LEPR: variants seen among roughly 807,000 people sequenced by gnomAD.
The protein encoded by LEPR is leptin receptor, also known as OB receptor.
Under a neutral mutation model 114.7 loss-of-function variants are expected in LEPR, and 56 were observed. The observed-to-expected ratio is 0.49, with a 90% CI of 0.39 to 0.61. LEPR has a LOEUF of 0.61. Among genes scored for constraint, LEPR ranks in the 20% least tolerant of loss-of-function variants. The pLI, the probability that LEPR is intolerant of heterozygous loss-of-function variation, is 0.00. For synonymous variants in LEPR, 443 were observed against 461.4 expected (o/e 0.96, Z 0.51); for missense variants, 1,202 against 1,352.9 (o/e 0.89, Z 1.75).
chr1:65,550,883 A>C (rs1042151136), intron 2 of LEPR, among the ~76,000 whole-genome samples: 1 of 151,974 alleles, frequency 6.6e-6, no homozygotes, highest in Non-Finnish European at 1.5e-5. Flanking sequence ...CTCAGATGGA[A>C]ATGCAGAAAT....
chr1:65,520,852 T>A (rs919105501), intron 2 of LEPR, among the ~76,000 whole-genome samples: 1 of 152,242 alleles, frequency 6.6e-6, no homozygotes, highest in African/African-American at 2.4e-5. Context: ...GCAGCATGAA[T>A]ATGTCCTTAA....
At chr1:65,491,739 A>G (rs1647883085) in intron 2 of LEPR, among the ~76,000 whole-genome samples, 1 of 152,116 alleles carries the variant, frequency 6.6e-6, no homozygotes, top group Non-Finnish European at 1.5e-5. Flanking sequence ...GCAGAGATGG[A>G]AACATTGTGA....
chr1:65,536,100 G>C (rs1205460031), intron 2 of LEPR, among the ~76,000 whole-genome samples: 1 of 152,196 alleles, frequency 6.6e-6, no homozygotes, highest in Non-Finnish European at 1.5e-5. Flanking sequence ...TTGATTCCCA[G>C]TGTTAGAGGT....
chr1:65,621,913 A>G (rs1431839876), intron 18 of LEPR, among the ~76,000 whole-genome samples: 2 of 151,210 alleles, frequency 1.3e-5, no homozygotes, highest in Non-Finnish European at 3.0e-5. Context: ...TTCCAGCTGG[A>G]TGGGGAGGGT....
intron 5 of LEPR, among the ~76,000 whole-genome samples, chr1:65,579,773 T>C (rs1570742194): frequency 6.6e-6 from 1 of 152,176 alleles, no homozygotes; most frequent in South Asian, 2.1e-4. Flanking sequence ...ATTATAATTA[T>C]GATGAGGTAT....
intron 2 of LEPR, among the ~76,000 whole-genome samples, chr1:65,514,285 A>G (rs769905564): frequency 9.2e-5 from 14 of 151,944 alleles, no homozygotes; most frequent in Non-Finnish European, 4.4e-5. Flanking sequence ...AGATGTTTCA[A>G]CAGATCAGGA....
chr1:65,507,472 T>TAC lies in LEPR; in HGVS notation c.-20-58070_-20-58069dup, dbSNP rs1279664054. 1.2e-3 allele frequency among the ~76,000 whole-genome samples: 170 copies of TAC among 147,756 alleles called. 1 individual carries two copies. The highest frequency in any genetic ancestry group is 1.7e-3 in the African/African-American group (68 of 40,336). On this transcript the variant is annotated intron_variant, in intron 2 of 19. Coordinates refer to ENST00000349533, the MANE Select transcript of LEPR (RefSeq NM_002303.6). ...GTGTGTGTGTGTGTATATATATATA[T>TAC]ACACATATATATGTATATATGTGTG...
chr1:65,611,907 T>G (rs6690625), intron 14 of LEPR, among the ~76,000 whole-genome samples: 42,989 of 152,184 alleles, frequency 0.28, 7,290 homozygotes, highest in East Asian at 0.81. Context: ...GTGGCTATCT[T>G]TTTGGACAAC....
chr1:65,468,774 A>T (rs553801324), intron 2 of LEPR, among the ~76,000 whole-genome samples: 1 of 152,220 alleles, frequency 6.6e-6, no homozygotes, highest in Non-Finnish European at 1.5e-5. Flanking sequence ...GCACATGCGG[A>T]TGCATTGTGT....
chr1:65,459,259 C>T (rs1301566054), intron 2 of LEPR, among the ~76,000 whole-genome samples: 2 of 152,102 alleles, frequency 1.3e-5, no homozygotes, highest in Admixed American at 6.6e-5. Flanking sequence ...TGGTAGTTAC[C>T]GAGAAGCCAG....
chr1:65,463,819 C>G (rs184805759), intron 2 of LEPR, among the ~76,000 whole-genome samples: 9 of 152,144 alleles, frequency 5.9e-5, no homozygotes, highest in Admixed American at 3.9e-4. Context: ...ATTTGGCTCT[C>G]TGTGTGTCTA....
At chr1:65,593,640 C>A (rs190753236) in intron 6 of LEPR, among the ~76,000 whole-genome samples, 2 of 152,092 alleles carry the variant, frequency 1.3e-5, no homozygotes, top group African/African-American at 4.8e-5. Flanking sequence ...GTATCTGATA[C>A]AATTTTCCAT....
intron 2 of LEPR, chr1:65,432,475 C>T (rs999653999): frequency 2.9e-5 from 17 of 591,728 alleles, no homozygotes; most frequent in Non-Finnish European, 3.2e-5. Flanking sequence ...TGAGAAGCAT[C>T]ATCATAGAGA....
At chr1:65,634,030 A>G in intron 19 of LEPR, 4 of 985,380 alleles carry the variant, frequency 4.1e-6, no homozygotes, top group Non-Finnish European at 4.8e-6. Flanking sequence ...ATGGGCAGTG[A>G]TGCAAAAAAG....
At chr1:65,626,051 C>A (rs1195373350) in intron 19 of LEPR, 5 of 1,389,868 alleles carry the variant, frequency 3.6e-6, no homozygotes, top group Middle Eastern at 3.5e-4. Context: ...TTCAGGAGGG[C>A]CATGAAATGA....
chr1:65,509,317 A>G (rs1648912421), intron 2 of LEPR, among the ~76,000 whole-genome samples: 3 of 152,130 alleles, frequency 2.0e-5, no homozygotes, highest in African/African-American at 4.8e-5. Context: ...GACATTAGCT[A>G]TGGGTTTGGT....
intron 5 of LEPR, among the ~76,000 whole-genome samples, chr1:65,573,840 T>G (rs1349659380): frequency 6.6e-6 from 1 of 152,224 alleles, no homozygotes. Context: ...GGAGTGGTGA[T>G]GGTTGCATAA....
At chr1:65,505,899 G>T (rs530700010) in intron 2 of LEPR, among the ~76,000 whole-genome samples, 27 of 152,136 alleles carry the variant, frequency 1.8e-4, no homozygotes, top group South Asian at 1.2e-3. Context: ...TGGAAATGAT[G>T]ACTCTTTCTC....
In LEPR at chr1:65,572,768, C is replaced by G. The variant is rs529905753; in HGVS notation, c.494+319C>G. On this transcript the variant is annotated intron_variant, in intron 5 of 19. Transcript: ENST00000349533. ...ATAGCTGAACGAACACTCTGGGGGC[C>G]TTAAACAGGTGAAACGTAGTTTTAT... Among the ~76,000 whole-genome samples, 8 of 152,198 alleles carry G rather than the reference C, an allele frequency of 5.3e-5. No homozygotes were observed. In the East Asian group the frequency reaches 1.5e-3, roughly 29 times the overall value.
Sources: gnomAD v4.1 joint callset for allele counts (sites outside exome capture counted in the v4.1 genomes callset) on GRCh38, gnomAD v4.1.1 for gene constraint, MANE v1.5 for transcripts, NCBI Gene and HGNC (gene_info 2026-07-23, HGNC 2026-07-21) for gene names.